CPNE8: variants seen among roughly 807,000 people sequenced by gnomAD.
The protein encoded by CPNE8 is copine-8.
CPNE8 carries 45 observed loss-of-function variants against 81.5 expected under a neutral mutation model. That is an observed-to-expected ratio of 0.55 (90% CI 0.44 to 0.71). The LOEUF (loss-of-function observed/expected upper bound fraction) is 0.71, where lower values mean the gene tolerates loss of function less well. CPNE8 is among the 30% of genes least tolerant of loss of function. The probability of loss-of-function intolerance (pLI) is 0.00; values close to 1 mark genes in which losing one functional copy is unlikely to be tolerated. For synonymous variants in CPNE8, 252 were observed against 226.3 expected, an observed-to-expected ratio of 1.11 and a Z score of -1.02; for missense variants, 594 against 672.1, an observed-to-expected ratio of 0.88 and a Z score of 1.28.
chr12:38,746,449 ATAGT>A (rs1277810194), intron 10 of CPNE8, among the ~76,000 whole-genome samples: 4 of 152,216 alleles, frequency 2.6e-5, no homozygotes, highest in Non-Finnish European at 5.9e-5. Flanking sequence ...AAATTGTAAG[ATAGT>A]TAGACACCAT....
intron 6 of CPNE8, among the ~76,000 whole-genome samples, chr12:38,796,794 A>C (rs1942487950): frequency 6.7e-6 from 1 of 149,306 alleles, no homozygotes; most frequent in Non-Finnish European, 1.5e-5. Context: ...TTTCCTAGTC[A>C]AAGAAAGGGG....
chr12:38,821,939 T>C (rs915836493), intron 6 of CPNE8, among the ~76,000 whole-genome samples: 1 of 152,198 alleles, frequency 6.6e-6, no homozygotes, highest in Non-Finnish European at 1.5e-5. Context: ...GTAAATGTAC[T>C]AAAATTCCTT....
rs142745342 is a variant in CPNE8 at position 38,787,852 on chromosome 12, A to C, written c.408-11551T>G. Among the ~76,000 whole-genome samples the C allele has an allele frequency of 2.6e-5, 4 of 151,732 alleles. No individual in the cohort carries two copies. In the East Asian group the frequency reaches 7.7e-4, roughly 29 times the overall value. ...TAAGTTAAGAAATCTACAAGAAATG[A>C]ACAAATACCTAGACATATACAATCT... On this transcript the variant is annotated intron_variant, in intron 6 of 19. Transcript: ENST00000331366.
intron 19 of CPNE8, among the ~76,000 whole-genome samples, chr12:38,668,990 C>A (rs1366049390): frequency 1.3e-5 from 2 of 151,022 alleles, no homozygotes; most frequent in African/African-American, 4.9e-5. Flanking sequence ...GGAGACGGAG[C>A]TTGCAGTGAG....
chr12:38,726,067 T>C (rs12314639), intron 11 of CPNE8, among the ~76,000 whole-genome samples: 59,660 of 151,698 alleles, frequency 0.39, 12,177 homozygotes, highest in Middle Eastern at 0.47. Flanking sequence ...TGCTTGCGGC[T>C]CACCTCATGC....
chr12:38,809,014 C>T (rs1021846100), intron 6 of CPNE8, among the ~76,000 whole-genome samples: 2 of 152,042 alleles, frequency 1.3e-5, no homozygotes, highest in Non-Finnish European at 2.9e-5. Context: ...AAGTGGAATT[C>T]TTTTATACTG....
At chr12:38,846,228 C>T (rs1943558041) in intron 4 of CPNE8, among the ~76,000 whole-genome samples, 2 of 152,090 alleles carry the variant, frequency 1.3e-5, no homozygotes, top group African/African-American at 2.4e-5. Flanking sequence ...CTTATAGGAT[C>T]TCCAATGTTG....
At chr12:38,772,285 AC>A (rs1252485864) in intron 7 of CPNE8, among the ~76,000 whole-genome samples, 1 of 152,202 alleles carries the variant, frequency 6.6e-6, no homozygotes, top group Non-Finnish European at 1.5e-5. Context: ...AAAATAAGTT[AC>A]CTACTCTCAG....
chr12:38,873,029 C>A lies in CPNE8; in HGVS notation c.161G>T (p.Gly54Val). ...CTCTCTCCATTCTTTATTTCCAACT[C>A]CTTGTACATATAAGACACAAACTAC... ...SDPICVLYVQGVGNKEWREFG... is the reference protein window; with the variant it reads ...SDPICVLYVQVVGNKEWREFG... Residue 54 changes from glycine to valine, a missense_variant, in exon 3 of 20, where the codon GGA becomes GTA. Transcript: ENST00000331366. The A allele has an allele frequency of 6.4e-7, 1 of 1,555,614 alleles. No homozygotes were observed. The highest frequency in any genetic ancestry group is 1.1e-5 in the South Asian group (1 of 87,548).
chr12:38,682,474 C>G (rs968406232), intron 16 of CPNE8, among the ~76,000 whole-genome samples: 3 of 152,158 alleles, frequency 2.0e-5, no homozygotes, highest in Non-Finnish European at 4.4e-5. Flanking sequence ...AGGAGAATTG[C>G]TTGAACCTGG....
chr12:38,790,007 T>C (rs562310556), intron 6 of CPNE8, among the ~76,000 whole-genome samples: 3 of 151,856 alleles, frequency 2.0e-5, no homozygotes, highest in East Asian at 3.9e-4. Flanking sequence ...AAATGTAAAT[T>C]AGTACAATCA....
chr12:38,841,032 A>C (rs1306131165), intron 4 of CPNE8, among the ~76,000 whole-genome samples: 1 of 152,186 alleles, frequency 6.6e-6, no homozygotes, highest in Non-Finnish European at 1.5e-5. Flanking sequence ...CCTCTCTCAC[A>C]TAAGAATGTT....
chr12:38,810,430 T>C (rs112048004), intron 6 of CPNE8, among the ~76,000 whole-genome samples: 53 of 152,328 alleles, frequency 3.5e-4, no homozygotes, highest in African/African-American at 1.3e-3. Flanking sequence ...TTCATGCTTC[T>C]TTCTGGAGTA....
intron 3 of CPNE8, among the ~76,000 whole-genome samples, chr12:38,848,941 A>C (rs979314841): frequency 6.6e-6 from 1 of 152,178 alleles, no homozygotes; most frequent in Non-Finnish European, 1.5e-5. Flanking sequence ...CTTTTAATGA[A>C]AAGAAGTTAT....
At position 38,678,604 on chromosome 12, in the gene CPNE8, GACAA is replaced by G. The variant is rs1939342597; in HGVS notation, c.1272-1054_1272-1051del. On this transcript the variant is annotated intron_variant, in intron 16 of 19. Coordinates refer to ENST00000331366, the MANE Select transcript of CPNE8 (RefSeq NM_153634.3). ...ATGAATCCCATTTGAACAAGTTGGT[GACAA>G]ACAAATAGTATAAAACGTATGTCAG... 3.3e-5 allele frequency among the ~76,000 whole-genome samples: 5 copies of G among 151,982 alleles called. No homozygotes were observed. In the South Asian group the frequency reaches 1.0e-3, roughly 32 times the overall value.
chr12:38,812,052 G>A (rs1182245522), intron 6 of CPNE8, among the ~76,000 whole-genome samples: 1 of 152,086 alleles, frequency 6.6e-6, no homozygotes, highest in Admixed American at 6.6e-5. Flanking sequence ...AGGATAACGG[G>A]CAATATAAAC....
chr12:38,777,681 A>C (rs892179534), intron 6 of CPNE8, among the ~76,000 whole-genome samples: 3 of 152,186 alleles, frequency 2.0e-5, no homozygotes, highest in Admixed American at 2.0e-4. Context: ...CTGATGTTAC[A>C]ATTACCTGTT....
Position 38,677,454 on chromosome 12 carries a change from T to C in CPNE8, c.1372A>G (p.Asn458Asp). 6.3e-7 allele frequency: 1 copy of C among 1,577,750 alleles called. No individual in the cohort carries two copies. The change falls in exon 17 of 20, where the codon AAT (asparagine) becomes GAT (aspartate). Residue 458 changes from asparagine (N) to aspartate (D), a missense_variant and splice_region_variant. By Grantham distance (23) the Asn-to-Asp change is conservative. Transcript: ENST00000331366. ...AATACGGAGTGACCCCCACTTACAT[T>C]AACTATGGACTCCTTAGTCTGGGCC... Reference protein sequence around the residue: ...DMAQTKESIVNASKLPMSIII... With the variant: ...DMAQTKESIVDASKLPMSIII...
chr12:38,823,543 T>C (rs1316043627), intron 6 of CPNE8, among the ~76,000 whole-genome samples: 1 of 152,196 alleles, frequency 6.6e-6, no homozygotes, highest in Non-Finnish European at 1.5e-5. Flanking sequence ...AAACAGCTGC[T>C]GGTACCATTA....
Sources: gnomAD v4.1 joint callset for allele counts (sites outside exome capture counted in the v4.1 genomes callset) on GRCh38, gnomAD v4.1.1 for gene constraint, MANE v1.5 for transcripts, NCBI Gene and HGNC (gene_info 2026-07-23, HGNC 2026-07-21) for gene names.